SPRY3: variants seen among roughly 807,000 people sequenced by gnomAD.
SPRY3 encodes sprouty RTK signaling antagonist 3.
In SPRY3, 15 loss-of-function variants were observed where a neutral mutation model predicts 20.2. That is an observed-to-expected ratio of 0.74 (90% confidence interval 0.50 to 1.14). SPRY3 has a LOEUF of 1.14. Ranked by LOEUF, SPRY3 falls within the 50% of genes most tolerant of loss-of-function variation. The probability of loss-of-function intolerance (pLI) is 0.00; values close to 1 mark genes in which losing one functional copy is unlikely to be tolerated. For synonymous variants in SPRY3, 143 were observed against 136.5 expected, an observed-to-expected ratio of 1.05 and a Z score of -0.33; for missense variants, 364 against 363.9, an observed-to-expected ratio of 1.00 and a Z score of 0.00.
chrX:155,636,567 AT>A (rs1557351042), intron 1 of SPRY3, among the ~76,000 whole-genome samples: 17 of 29,790 alleles, frequency 5.7e-4, no homozygotes, highest in Admixed American at 9.3e-4. Context: ...GTAGGTAGGT[AT>A]GTATGTATGT....
At chrX:155,775,647 T>C in exon 4 of SPRY3, 1 of 167,208 alleles carries the variant, frequency 6.0e-6, no homozygotes, top group South Asian at 2.1e-4. Context: ...AGTTGGAGTT[T>C]TTCTCCCTTT....
At chrX:155,765,483 G>A (rs1360438180) in intron 2 of SPRY3, among the ~76,000 whole-genome samples, 1 of 152,180 alleles carries the variant, frequency 6.6e-6, no homozygotes, top group African/African-American at 2.4e-5. Context: ...AACAGCACCT[G>A]GCAAAGAGTA....
intron 2 of SPRY3, among the ~76,000 whole-genome samples, chrX:155,659,012 C>G (rs1479496090): frequency 9.0e-6 from 1 of 111,309 alleles, no homozygotes; most frequent in Non-Finnish European, 1.9e-5. Context: ...TTGAACCACC[C>G]TTGTATCCCT....
intron 2 of SPRY3, among the ~76,000 whole-genome samples, chrX:155,680,538 A>G (rs758252818): frequency 1.4e-3 from 158 of 111,231 alleles, no homozygotes; most frequent in Non-Finnish European, 2.4e-3. Flanking sequence ...GCTGAGATAC[A>G]AAATACTAGA....
At chrX:155,686,407 T>C (rs756855498) in intron 2 of SPRY3, among the ~76,000 whole-genome samples, 1 of 112,198 alleles carries the variant, frequency 8.9e-6, no homozygotes, top group Admixed American at 9.5e-5. Context: ...TTTTTTAGTC[T>C]TCTTTGTAAG....
intron 2 of SPRY3, among the ~76,000 whole-genome samples, chrX:155,743,951 T>A (rs982329228): frequency 6.6e-6 from 1 of 152,106 alleles, no homozygotes; most frequent in African/African-American, 2.4e-5. Flanking sequence ...TGTTTTCATA[T>A]CCCAATTTTC....
exon 4 of SPRY3, chrX:155,775,412 T>G (rs1031409918): frequency 3.0e-5 from 5 of 167,248 alleles, no homozygotes; most frequent in African/African-American, 1.2e-4. Flanking sequence ...ACCTGTCCCT[T>G]TTTCTCTAAC....
intron 2 of SPRY3, among the ~76,000 whole-genome samples, chrX:155,675,010 G>T (rs181539132): frequency 9.0e-6 from 1 of 111,443 alleles, no homozygotes; most frequent in South Asian, 3.8e-4. Flanking sequence ...GAAATGTTTG[G>T]GTATAATTGT....
chrX:155,708,727 A>G (rs1304130197), intron 2 of SPRY3, among the ~76,000 whole-genome samples: 1 of 151,574 alleles, frequency 6.6e-6, no homozygotes, highest in Non-Finnish European at 1.5e-5. Flanking sequence ...TCAAGCATTT[A>G]TCCTTTGTGT....
intron 2 of SPRY3, among the ~76,000 whole-genome samples, chrX:155,696,325 A>C (rs139951580): frequency 0.013 from 1,392 of 109,700 alleles, 12 homozygotes; most frequent in Non-Finnish European, 0.019. Context: ...TGGTCCGTAC[A>C]GCACTTATCA....
chrX:155,722,065 G>A (rs908012366), intron 2 of SPRY3, among the ~76,000 whole-genome samples: 1 of 152,004 alleles, frequency 6.6e-6, no homozygotes, highest in Non-Finnish European at 1.5e-5. Context: ...TAAAAAGCAC[G>A]GGAACAAAGT....
At chrX:155,746,286 TA>T (rs1161192675) in intron 2 of SPRY3, among the ~76,000 whole-genome samples, 1 of 152,082 alleles carries the variant, frequency 6.6e-6, no homozygotes, top group Non-Finnish European at 1.5e-5. Context: ...TTTGCAGAAA[TA>T]AATTGATTCA....
chrX:155,757,163 C>T (rs924031466), intron 2 of SPRY3, among the ~76,000 whole-genome samples: 4 of 152,172 alleles, frequency 2.6e-5, no homozygotes, highest in East Asian at 1.9e-4. Flanking sequence ...CAAGACTCCA[C>T]GTGATGTAAC....
intron 1 of SPRY3, among the ~76,000 whole-genome samples, chrX:155,651,486 A>C (rs1557352382): frequency 9.0e-6 from 1 of 111,275 alleles, no homozygotes; most frequent in African/African-American, 3.3e-5. Context: ...CAATTTGCAT[A>C]CTCCTTTCAA....
At chrX:155,768,714 G>C (rs3870343) in intron 3 of SPRY3, among the ~76,000 whole-genome samples, 63,922 of 152,000 alleles carry the variant, frequency 0.42, 14,591 homozygotes, top group East Asian at 0.68. Flanking sequence ...GCCTGGGTAC[G>C]TGTGCACATG....
chrX:155,713,682 G>T (rs2091002454), intron 2 of SPRY3, among the ~76,000 whole-genome samples: 1 of 151,886 alleles, frequency 6.6e-6, no homozygotes, highest in South Asian at 2.1e-4. Context: ...GTAGTCTTTG[G>T]GTTAAATCTG....
In SPRY3 at chrX:155,722,149, G is replaced by C. The variant is rs147366557; in HGVS notation, c.-281-45813G>C. Among the ~76,000 whole-genome samples, 791 of 152,230 alleles carry C rather than the reference G, an allele frequency of 5.2e-3. 3 individuals carry two copies. The highest frequency in any genetic ancestry group is 0.018 in the African/African-American group (735 of 41,510). On this transcript the variant is annotated intron_variant, in intron 2 of 3. Transcript: ENST00000675360. ...ATACAATAGTGTTTAGTTGTTATCA[G>C]CTTAAAATAATGGGTTATAAGCTAG...
intron 1 of SPRY3, among the ~76,000 whole-genome samples, chrX:155,634,810 C>T (rs944885105): frequency 3.7e-5 from 4 of 107,777 alleles, no homozygotes; most frequent in East Asian, 2.9e-4. Context: ...CTCTTGAGGT[C>T]GCAAGATAAC....
chrX:155,625,945 T>TTGTTTA (rs60807287), intron 1 of SPRY3, among the ~76,000 whole-genome samples: 1 of 110,066 alleles, frequency 9.1e-6, no homozygotes, highest in African/African-American at 3.3e-5. Context: ...CACATTTTGT[T>TTGTTTA]TCTTTTTATT....
Sources: allele counts gnomAD v4.1 joint callset (sites outside exome capture counted in the v4.1 genomes callset), GRCh38; gene constraint gnomAD v4.1.1; transcripts MANE v1.5; gene names NCBI Gene and HGNC (gene_info 2026-07-23, HGNC 2026-07-21).